Variants in ZNF79 observed in about 807,000 individuals in gnomAD.
The protein encoded by ZNF79 is ZNFpT7.
A neutral mutation model predicts 14.9 loss-of-function variants in ZNF79; 13 were observed. That is an observed-to-expected ratio of 0.87 (90% CI 0.57 to 1.38). The LOEUF is 1.38. Among genes scored for constraint, ZNF79 ranks in the 40% most tolerant of loss-of-function variants. The pLI is 0.00. For synonymous variants in ZNF79, 223 were observed against 235.1 expected, an observed-to-expected ratio of 0.95 and a Z score of 0.47; for missense variants, 631 against 630.6, an observed-to-expected ratio of 1.00 and a Z score of -0.01.
chr9:127,428,517 A>G, intron 1 of ZNF79: 1 of 261,706 alleles, frequency 3.8e-6, no homozygotes, highest in Non-Finnish European at 6.3e-6. Context: ...ACAGCAGATT[A>G]TCCCTTACAA....
intron 4 of ZNF79, among the ~76,000 whole-genome samples, chr9:127,437,348 G>A (rs558198508): frequency 3.3e-5 from 4 of 119,846 alleles, no homozygotes; most frequent in Admixed American, 7.6e-5. Flanking sequence ...GCCCCCCCCC[G>A]CTGCCTGGGC....
At position 127,444,110 on chromosome 9, in the gene ZNF79, C is replaced by G. The variant is rs776496715; in HGVS notation, c.410C>G (p.Pro137Arg). Reference protein sequence around the residue: ...SFQDPCVEMPPGDSDHGTSDL... With the variant: ...SFQDPCVEMPRGDSDHGTSDL... Reference sequence around the variant, plus strand: ...CAAGACCCATGTGTAGAGATGCCCCCTGGGGATTCAGACCACGGGACCAGT... The same window carrying G: ...CAAGACCCATGTGTAGAGATGCCCCGTGGGGATTCAGACCACGGGACCAGT... Residue 137 changes from proline to arginine, a missense_variant, in exon 5 of 5, where the codon CCT (proline) becomes CGT (arginine). Transcript: ENST00000342483. 1.9e-6 allele frequency: 3 copies of G among 1,612,962 alleles called. No individual in the cohort carries two copies. The African/African-American group carries it at 4.0e-5, about 22-fold the overall frequency.
In ZNF79 at chr9:127,444,320, C is replaced by A. The variant is rs777126656; in HGVS notation, c.620C>A (p.Ser207Tyr). 1.5e-5 allele frequency: 24 copies of A among 1,614,060 alleles called. No homozygotes were observed. Among genetic ancestry groups the A allele is most frequent in the Non-Finnish European group, 1.9e-5 (23 of 1,180,062 alleles). ...ECGKAFSYCSSLSQHQKSHTG... is the reference protein window; with the variant it reads ...ECGKAFSYCSYLSQHQKSHTG... ...GGCAAAGCCTTCAGTTACTGTTCTT[C>A]CCTTTCTCAGCATCAGAAGAGCCAC... Residue 207 changes from serine to tyrosine, a missense_variant, in exon 5 of 5, where the codon TCC becomes TAC. Transcript: ENST00000342483.
chr9:127,427,609 T>G (rs1379807361), intron 1 of ZNF79, among the ~76,000 whole-genome samples: 1 of 149,998 alleles, frequency 6.7e-6, no homozygotes, highest in Non-Finnish European at 1.5e-5. Flanking sequence ...TGGCGTGATC[T>G]CAGGTTACTG....
At chr9:127,433,282 A>G (rs1006035670) in intron 2 of ZNF79, among the ~76,000 whole-genome samples, 2 of 152,154 alleles carry the variant, frequency 1.3e-5, no homozygotes, top group African/African-American at 2.4e-5. Context: ...AGGAGGAAGA[A>G]TCAATGGGGA....
At chr9:127,433,519 C>T (rs1477284650) in intron 2 of ZNF79, among the ~76,000 whole-genome samples, 1 of 152,190 alleles carries the variant, frequency 6.6e-6, no homozygotes, top group Non-Finnish European at 1.5e-5. Flanking sequence ...CTTCCCTTTC[C>T]ATCTGGCTAC....
In ZNF79 at chr9:127,444,358, C is replaced by A. The variant is rs767120315; in HGVS notation, c.658C>A (p.Pro220Thr). Reference protein sequence around the residue: ...QHQKSHTGEKPYECSECGKAF... With the variant: ...QHQKSHTGEKTYECSECGKAF... ...TCAGAAGAGCCACACTGGAGAGAAG[C>A]CCTATGAGTGCAGTGAATGTGGGAA... Residue 220 changes from proline to threonine, a missense_variant, in exon 5 of 5, where the codon CCC becomes ACC. Pro to Thr is a conservative substitution (Grantham distance 38). Coordinates refer to ENST00000342483, the MANE Select transcript of ZNF79 (RefSeq NM_007135.3). 1.5e-5 allele frequency: 24 copies of A among 1,613,282 alleles called. No individual in the cohort carries two copies. Among genetic ancestry groups the A allele is most frequent in the Non-Finnish European group, 2.0e-5 (24 of 1,179,296 alleles).
At chr9:127,438,858 C>T (rs1231266807) in intron 4 of ZNF79, among the ~76,000 whole-genome samples, 1 of 152,154 alleles carries the variant, frequency 6.6e-6, no homozygotes, top group Non-Finnish European at 1.5e-5. Flanking sequence ...CGCTTGTAAT[C>T]CTAGCACTTT....
intron 1 of ZNF79, 89 bp downstream of exon 1, chr9:127,424,892 C>CT: frequency 6.3e-7 from 1 of 1,588,634 alleles, no homozygotes; most frequent in Non-Finnish European, 8.6e-7. Context: ...AATCAGAACT[C>CT]TCTTTATCTC....
intron 1 of ZNF79, 81 bp downstream of exon 1, chr9:127,424,884 T>C (rs1203210381): frequency 3.1e-6 from 5 of 1,598,750 alleles, no homozygotes; most frequent in Non-Finnish European, 4.3e-6. Context: ...GTGAGCCGAA[T>C]CAGAACTCTC....
chr9:127,436,391 C>G (rs912508896), intron 4 of ZNF79, among the ~76,000 whole-genome samples: 4 of 152,214 alleles, frequency 2.6e-5, no homozygotes, highest in Non-Finnish European at 5.9e-5. Context: ...CACTGAGGAT[C>G]CTAGGTGCCA....
At chr9:127,434,188 A>G (rs891761993) in intron 2 of ZNF79, among the ~76,000 whole-genome samples, 6 of 150,642 alleles carry the variant, frequency 4.0e-5, no homozygotes, top group African/African-American at 4.9e-5. Flanking sequence ...CTCTTGCTCC[A>G]TCCGCGAACC....
At position 127,444,865 on chromosome 9, in the gene ZNF79, T is replaced by C; in HGVS notation, c.1165T>C (p.Tyr389His). ...HQRTHTGEKP[Y>H]KCSECGKAFS... Reference sequence around the variant, plus strand: ...GAGGACTCACACTGGGGAGAAACCCTACAAGTGCAGCGAGTGTGGGAAGGC... The same window carrying C: ...GAGGACTCACACTGGGGAGAAACCCCACAAGTGCAGCGAGTGTGGGAAGGC... The change falls in exon 5 of 5, where the codon TAC (tyrosine) becomes CAC (histidine). Residue 389 changes from tyrosine to histidine, a missense_variant. Coordinates refer to ENST00000342483, the MANE Select transcript of ZNF79 (RefSeq NM_007135.3). The C allele has an allele frequency of 3.1e-6, 5 of 1,614,000 alleles. No homozygotes were observed. Among genetic ancestry groups the C allele is most frequent in the Non-Finnish European group, 4.2e-6 (5 of 1,180,010 alleles).
At chr9:127,443,665 G>C (rs1834090562) in intron 4 of ZNF79, among the ~76,000 whole-genome samples, 1 of 152,138 alleles carries the variant, frequency 6.6e-6, no homozygotes, top group Non-Finnish European at 1.5e-5. Context: ...ACTTTGGGAG[G>C]CCGAGGCGGG....
chr9:127,425,844 C>T (rs112139883), intron 1 of ZNF79, among the ~76,000 whole-genome samples: 3,599 of 152,268 alleles, frequency 0.024, 145 homozygotes, highest in African/African-American at 0.076. Flanking sequence ...CCACTGGCTT[C>T]GGCATCCCAA....
Position 127,444,503 on chromosome 9 carries a change from A to G in ZNF79, c.803A>G (p.Gln268Arg), listed in dbSNP as rs753616069. The change falls in exon 5 of 5, where the codon CAG becomes CGG. Residue 268 changes from glutamine (Q) to arginine (R), a missense_variant. By Grantham distance (43) the Gln-to-Arg change is conservative (BLOSUM62 1). Transcript: ENST00000342483. ...CAGAACGCCAACCTCACCAAACACCAGCGAACCCACACCGGAGAGAAGCCC... is the reference window on the plus strand; with the variant it reads ...CAGAACGCCAACCTCACCAAACACCGGCGAACCCACACCGGAGAGAAGCCC... ...FSQNANLTKH[Q>R]RTHTGEKPYR... 6.8e-6 allele frequency: 11 copies of G among 1,611,198 alleles called. No individual in the cohort carries two copies. The highest frequency in any genetic ancestry group is 6.8e-6 in the Non-Finnish European group (8 of 1,177,392).
At chr9:127,442,332 C>T (rs1476666976) in intron 4 of ZNF79, among the ~76,000 whole-genome samples, 23 of 144,540 alleles carry the variant, frequency 1.6e-4, no homozygotes, top group Admixed American at 7.1e-5. Flanking sequence ...ACTCAGGAGG[C>T]GAAGGTTGCA....
intron 1 of ZNF79, among the ~76,000 whole-genome samples, chr9:127,425,929 A>G (rs1833745329): frequency 6.6e-6 from 1 of 152,180 alleles, no homozygotes; most frequent in African/African-American, 2.4e-5. Context: ...CTTGAAGAGT[A>G]GAGAGTGCAA....
At chr9:127,442,333 G>A (rs1194720719) in intron 4 of ZNF79, among the ~76,000 whole-genome samples, 5 of 150,706 alleles carry the variant, frequency 3.3e-5, no homozygotes, top group Non-Finnish European at 7.4e-5. Flanking sequence ...CTCAGGAGGC[G>A]AAGGTTGCAG....
Sources: gnomAD v4.1 joint callset for allele counts (sites outside exome capture counted in the v4.1 genomes callset) on GRCh38, gnomAD v4.1.1 for gene constraint, MANE v1.5 for transcripts, NCBI Gene and HGNC (gene_info 2026-07-23, HGNC 2026-07-21) for gene names.